NDUFA10: variants seen among roughly 807,000 people sequenced by gnomAD.
NDUFA10 encodes the protein NADH:ubiquinone oxidoreductase subunit A10.
In NDUFA10, 40 loss-of-function variants were observed where a neutral mutation model predicts 47.8. That is an observed-to-expected ratio of 0.84 (90% CI 0.65 to 1.09). The LOEUF (loss-of-function observed/expected upper bound fraction) is 1.09. Ranked by LOEUF, NDUFA10 falls within the 50% of genes least tolerant of loss-of-function variation. NDUFA10 has a pLI of 0.00. For synonymous variants in NDUFA10, 183 were observed against 172.2 expected (o/e 1.06, Z -0.49); for missense variants, 413 against 451.1 (o/e 0.92, Z 0.76).
intron 4 of NDUFA10, among the ~76,000 whole-genome samples, chr2:239,907,494 C>T (rs529043059): frequency 6.6e-6 from 1 of 152,268 alleles, no homozygotes; most frequent in East Asian, 1.9e-4. Flanking sequence ...TTATGATCTA[C>T]CCATCTAACA....
chr2:239,950,953 T>A (rs577173502), intron 4 of NDUFA10, among the ~76,000 whole-genome samples: 1 of 152,348 alleles, frequency 6.6e-6, no homozygotes, highest in East Asian at 1.9e-4. Context: ...ACTGGCCACC[T>A]GCTGGCCAGG....
intron 9 of NDUFA10, among the ~76,000 whole-genome samples, chr2:239,980,796 G>A (rs1474142952): frequency 6.6e-6 from 1 of 152,178 alleles, no homozygotes; most frequent in African/African-American, 2.4e-5. Flanking sequence ...CCCTCGGGAC[G>A]CCCAAGAGCT....
At position 240,016,973 on chromosome 2, in the gene NDUFA10, T is replaced by G. The variant is rs1321115174; in HGVS notation, c.547+1580A>C. Among the ~76,000 whole-genome samples the G allele has an allele frequency of 6.6e-6, 1 of 152,052 alleles. No homozygotes were observed. The highest frequency in any genetic ancestry group is 6.5e-5 in the Admixed American group (1 of 15,272). On this transcript the variant is annotated intron_variant, in intron 4 of 9. Transcript: ENST00000252711. The surrounding 1 kb of genome is among the most constrained non-coding windows in gnomAD (Gnocchi z 4.4). ...AGGGCAGGTCCACGCCACTCCCCAC[T>G]GTGCACACAGGAAACCACCCACCCA...
At chr2:239,918,480 T>C (rs954071721) in intron 4 of NDUFA10, among the ~76,000 whole-genome samples, 1 of 152,122 alleles carries the variant, frequency 6.6e-6, no homozygotes, top group African/African-American at 2.4e-5. Context: ...GCTAACCCAA[T>C]CCTGTCTCCC....
In NDUFA10 at chr2:240,011,676, G is replaced by GA. The variant is rs766111239; in HGVS notation, c.689_690insT (p.Ser231LeufsTer8). On this transcript the variant is annotated frameshift_variant, in exon 6 of 10. Coordinates refer to ENST00000252711, the MANE Select transcript of NDUFA10 (RefSeq NM_004544.4). LOFTEE classifies it high-confidence loss of function. ...TCTCAATGTCCTGTAGATAGGCAGAGGTGATCTTCATTTCATGTGGCTAAA... is the reference window on the plus strand; with the variant it reads ...TCTCAATGTCCTGTAGATAGGCAGAGAGTGATCTTCATTTCATGTGGCTAAA... The GA allele has an allele frequency of 6.2e-7, 1 of 1,613,330 alleles. No individual in the cohort carries two copies. Among genetic ancestry groups the GA allele is most frequent in the Non-Finnish European group, 8.5e-7 (1 of 1,179,258 alleles).
chr2:239,985,911 C>CAAA (rs34928768), intron 9 of NDUFA10, among the ~76,000 whole-genome samples: 4 of 91,824 alleles, frequency 4.4e-5, no homozygotes, highest in Admixed American at 1.2e-4. Context: ...GATTCTGTCT[C>CAAA]AAAAAAAAAA....
intron 9 of NDUFA10, among the ~76,000 whole-genome samples, chr2:239,979,757 C>T (rs1574841664): frequency 1.3e-5 from 2 of 152,112 alleles, no homozygotes; most frequent in African/African-American, 2.4e-5. Flanking sequence ...CCAGATGATG[C>T]CACTCTCTGG....
chr2:239,915,722 TAC>T (rs202132141), intron 4 of NDUFA10, among the ~76,000 whole-genome samples: 2,290 of 139,790 alleles, frequency 0.016, 73 homozygotes, highest in Admixed American at 0.087. Flanking sequence ...TACACAAATA[TAC>T]AGAGACACAC....
At chr2:239,931,830 GCT>G (rs1491259893) in intron 4 of NDUFA10, among the ~76,000 whole-genome samples, 5 of 82,932 alleles carry the variant, frequency 6.0e-5, no homozygotes, top group African/African-American at 1.3e-4. Flanking sequence ...CTGCACCTCT[GCT>G]TTTTTTTTTT....
intron 5 of NDUFA10, 179 bp from the exon 6 acceptor site, chr2:240,011,875 T>G: frequency 1.5e-6 from 1 of 655,140 alleles, no homozygotes; most frequent in Non-Finnish European, 2.8e-6. Context: ...TCATTCTCCT[T>G]CTACTACAGT....
At chr2:239,939,777 A>G (rs1694328429) in intron 4 of NDUFA10, among the ~76,000 whole-genome samples, 1 of 152,256 alleles carries the variant, frequency 6.6e-6, no homozygotes, top group Non-Finnish European at 1.5e-5. Context: ...GGCACTACCC[A>G]CTGGAAGCAC....
intron 9 of NDUFA10, among the ~76,000 whole-genome samples, chr2:239,977,115 G>GC (rs1695556803): frequency 2.0e-5 from 3 of 152,186 alleles, no homozygotes. Context: ...CAGACTGGAA[G>GC]CCAGGTTCAG....
intron 4 of NDUFA10, among the ~76,000 whole-genome samples, chr2:239,921,979 T>C (rs1293267128): frequency 7.1e-6 from 1 of 140,756 alleles, no homozygotes; most frequent in Non-Finnish European, 1.6e-5. Flanking sequence ...CTTTCCTCCT[T>C]CTTTCCTTCC....
intron 4 of NDUFA10, among the ~76,000 whole-genome samples, chr2:239,922,029 T>C (rs116043657): frequency 1.1e-5 from 1 of 93,046 alleles, no homozygotes; most frequent in East Asian, 4.1e-4. Context: ...TTCTTCCTTC[T>C]TTCCTTCCTT....
At chr2:239,954,904 C>T (rs376049446), downstream of NDUFA10, among the ~76,000 whole-genome samples, 123 of 152,294 alleles carry the variant, frequency 8.1e-4, 2 homozygotes, top group South Asian at 0.014. Flanking sequence ...TGCCGCCCGA[C>T]CTGCCGCTGC....
intron 5 of NDUFA10, chr2:240,011,915 T>C (rs1192734090): frequency 1.7e-5 from 10 of 576,832 alleles, no homozygotes; most frequent in Non-Finnish European, 2.8e-5. Context: ...AGTGCTCCCA[T>C]AGCGTGACTT....
chr2:240,024,099 T>G (rs544445998), intron 1 of NDUFA10, among the ~76,000 whole-genome samples: 2 of 152,382 alleles, frequency 1.3e-5, no homozygotes, highest in South Asian at 2.1e-4. Flanking sequence ...CTAGTCTTAC[T>G]ACATGAGTAA....
chr2:239,998,439 C>T (rs577651891), intron 8 of NDUFA10, among the ~76,000 whole-genome samples: 53 of 152,248 alleles, frequency 3.5e-4, no homozygotes, highest in Non-Finnish European at 3.7e-4. Flanking sequence ...AAGCACAGCT[C>T]TTGCGCTCTC....
intron 4 of NDUFA10, among the ~76,000 whole-genome samples, chr2:240,018,198 G>C (rs891041796): frequency 6.6e-6 from 1 of 152,178 alleles, no homozygotes. Context: ...CTAGAAACTG[G>C]AAAGTCTGTT....
Sources: gnomAD v4.1 joint callset for allele counts (sites outside exome capture counted in the v4.1 genomes callset) on GRCh38, gnomAD v4.1.1 for gene constraint, Gnocchi (gnomAD v3.1) non-coding constraint, MANE v1.5 for transcripts, NCBI Gene and HGNC (gene_info 2026-07-23, HGNC 2026-07-21) for gene names.